GALNT10: variants seen among roughly 807,000 people sequenced by gnomAD.
The protein encoded by GALNT10 is polypeptide N-acetylgalactosaminyltransferase 10.
Under a neutral mutation model 75.0 loss-of-function variants are expected in GALNT10, and 41 were observed. The ratio of observed to expected loss-of-function variants is 0.55; its 90% CI spans 0.43 to 0.71. The LOEUF is 0.71. GALNT10 is among the 30% of genes least tolerant of loss of function. The pLI is 0.00. For synonymous variants in GALNT10, 302 were observed against 313.0 expected (o/e 0.96, Z 0.37); for missense variants, 727 against 818.5 (o/e 0.89, Z 1.36).
At chr5:154,248,343 A>C (rs1039960426) in intron 1 of GALNT10, among the ~76,000 whole-genome samples, 16 of 152,108 alleles carry the variant, frequency 1.1e-4, no homozygotes, top group African/African-American at 3.9e-4. Context: ...GTTAGGGAGG[A>C]TTCCCTCTTT....
Position 154,298,389 on chromosome 5 carries a change from C to T in GALNT10, c.401+310C>T. On this transcript the variant is annotated intron_variant, in intron 3 of 11. Transcript: ENST00000297107. This position sits in a 1 kb window ranked among gnomAD's most constrained non-coding sequence, Gnocchi z 4.1. ...TGTCATGCAGTTTTTAACTTTCATT[C>T]TCTTCACTTTCTGTGTGATGTTTTT... Among the ~76,000 whole-genome samples the T allele has an allele frequency of 6.6e-6, 1 of 152,180 alleles. No homozygotes were observed. The highest frequency in any genetic ancestry group is 1.5e-5 in the Non-Finnish European group (1 of 68,040).
At chr5:154,294,780 C>A (rs776001673) in intron 1 of GALNT10, 36 bp from the exon 2 acceptor site, 5 of 1,142,632 alleles carry the variant, frequency 4.4e-6, no homozygotes, top group Non-Finnish European at 6.7e-6. Context: ...CTGATTTGCC[C>A]TTTTCTATTT....
At chr5:154,328,814 A>T (rs181032231) in intron 3 of GALNT10, among the ~76,000 whole-genome samples, 5 of 152,310 alleles carry the variant, frequency 3.3e-5, no homozygotes, top group Admixed American at 3.3e-4. Flanking sequence ...CCAGTTTATT[A>T]TGAAGGATAT....
chr5:154,258,317 C>T (rs143028585), intron 1 of GALNT10, among the ~76,000 whole-genome samples: 3 of 152,328 alleles, frequency 2.0e-5, no homozygotes, highest in Middle Eastern at 3.4e-3. Flanking sequence ...AGCAGTTCTC[C>T]ATCACTGCTT....
chr5:154,329,864 G>A (rs190333946), intron 4 of GALNT10, 126 bp downstream of exon 4: 4 of 592,484 alleles, frequency 6.8e-6, no homozygotes, highest in African/African-American at 1.9e-5. Context: ...ATGCCTGGAC[G>A]TTGCACTGTG....
chr5:154,251,733 C>T (rs766816952), intron 1 of GALNT10, among the ~76,000 whole-genome samples: 3 of 152,288 alleles, frequency 2.0e-5, no homozygotes, highest in Non-Finnish European at 4.4e-5. Flanking sequence ...CCATCTGGCA[C>T]ATTCCCTACA....
intron 1 of GALNT10, among the ~76,000 whole-genome samples, chr5:154,293,171 G>T (rs1024951545): frequency 6.6e-6 from 1 of 152,160 alleles, no homozygotes; most frequent in Admixed American, 6.5e-5. Context: ...CAAGCGCAGG[G>T]ACGATTTTAT....
rs905254313 is a variant in GALNT10, at chr5:154,298,673, T to C, written c.401+594T>C. On this transcript the variant is annotated intron_variant, in intron 3 of 11. Transcript: ENST00000297107. This position sits in a 1 kb window ranked among gnomAD's most constrained non-coding sequence, Gnocchi z 4.1. ...GTCATAACTCACTTAAGGCTATAAG[T>C]TGATTGACAGAATAAGACAGGCCTT... Among the ~76,000 whole-genome samples, 6 of 152,192 alleles carry C rather than the reference T, an allele frequency of 3.9e-5. No homozygotes were observed. The highest frequency in any genetic ancestry group is 1.3e-4 in the Admixed American group (2 of 15,276).
chr5:154,414,177 G>A (rs1756457499), intron 10 of GALNT10, among the ~76,000 whole-genome samples: 2 of 152,330 alleles, frequency 1.3e-5, no homozygotes, highest in East Asian at 1.9e-4. Context: ...GCTGGTGGGA[G>A]TGTAAATGGC....
At chr5:154,386,452 C>T (rs1221168929) in intron 7 of GALNT10, 22 bp downstream of exon 7, 6 of 1,455,626 alleles carry the variant, frequency 4.1e-6, no homozygotes, top group Middle Eastern at 3.5e-4. Flanking sequence ...CTCCAGACGC[C>T]CCGTTCTTGG....
At chr5:154,377,282 T>C (rs974204832) in intron 5 of GALNT10, among the ~76,000 whole-genome samples, 2 of 152,138 alleles carry the variant, frequency 1.3e-5, no homozygotes, top group Admixed American at 6.6e-5. Context: ...GGAACTGTCC[T>C]GTTGAGACTG....
At chr5:154,231,906 G>T (rs936657979) in intron 1 of GALNT10, among the ~76,000 whole-genome samples, 3 of 152,176 alleles carry the variant, frequency 2.0e-5, no homozygotes, top group Non-Finnish European at 2.9e-5. Flanking sequence ...TTCTGCACAG[G>T]ATCCTGCATA....
intron 1 of GALNT10, among the ~76,000 whole-genome samples, chr5:154,239,560 C>T (rs1381123360): frequency 1.3e-5 from 2 of 152,220 alleles, no homozygotes; most frequent in African/African-American, 4.8e-5. Context: ...TCCCCTCACC[C>T]CCCGGACCCC....
chr5:154,237,468 G>A (rs994958325), intron 1 of GALNT10, among the ~76,000 whole-genome samples: 11 of 152,114 alleles, frequency 7.2e-5, no homozygotes, highest in African/African-American at 1.4e-4. Flanking sequence ...GCATCCGCAC[G>A]CTTGTGAGAA....
intron 1 of GALNT10, among the ~76,000 whole-genome samples, chr5:154,269,986 G>A (rs1753836738): frequency 6.7e-6 from 1 of 148,642 alleles, no homozygotes; most frequent in Admixed American, 6.6e-5. Context: ...CCACAACCTC[G>A]GGTCCAGAGG....
At chr5:154,225,568 T>A (rs186104541) in intron 1 of GALNT10, among the ~76,000 whole-genome samples, 141 of 151,864 alleles carry the variant, frequency 9.3e-4, no homozygotes, top group African/African-American at 3.3e-3. Flanking sequence ...TTTTTTTTTT[T>A]ATTATTTTTA....
chr5:154,393,207 G>A (rs915206705), intron 7 of GALNT10, among the ~76,000 whole-genome samples: 1 of 151,856 alleles, frequency 6.6e-6, no homozygotes, highest in Non-Finnish European at 1.5e-5. Flanking sequence ...CCAAATAGCT[G>A]GGACTACAGG....
chr5:154,337,455 T>G, intron 4 of GALNT10: 1 of 694,398 alleles, frequency 1.4e-6, no homozygotes, highest in South Asian at 1.4e-5. Flanking sequence ...AGCTTTGTTT[T>G]CTTGCAGTAA....
intron 4 of GALNT10, among the ~76,000 whole-genome samples, chr5:154,369,111 G>A (rs1427422968): frequency 6.6e-6 from 1 of 152,236 alleles, no homozygotes; most frequent in Non-Finnish European, 1.5e-5. Context: ...AATGAGGCCA[G>A]GTACAGTGGC....
Sources: allele counts gnomAD v4.1 joint callset (sites outside exome capture counted in the v4.1 genomes callset), GRCh38; gene constraint gnomAD v4.1.1; non-coding constraint Gnocchi (gnomAD v3.1); transcripts MANE v1.5; gene names NCBI Gene and HGNC (gene_info 2026-07-23, HGNC 2026-07-21).